RCHY1: variants seen among roughly 807,000 people sequenced by gnomAD.
The protein encoded by RCHY1 is ring finger and CHY zinc finger domain containing 1, also known as RING finger and CHY zinc finger domain-containing protein 1.
A neutral mutation model predicts 41.6 loss-of-function variants in RCHY1; 21 were observed. The ratio of observed to expected loss-of-function variants is 0.51; its 90% CI spans 0.36 to 0.73. The LOEUF is 0.73. Among genes scored for constraint, RCHY1 ranks in the 30% least tolerant of loss-of-function variants. The pLI is 0.00. For synonymous variants in RCHY1, 79 were observed against 102.9 expected (o/e 0.77, Z 1.41); for missense variants, 265 against 325.3 (o/e 0.81, Z 1.43).
chr4:75,487,866 TA>T lies in RCHY1; in HGVS notation c.657+2714del, dbSNP rs374605285. Among the ~76,000 whole-genome samples the T allele has an allele frequency of 8.8e-3, 621 of 70,896 alleles. 35 individuals are homozygous for T. The highest frequency in any genetic ancestry group is 0.027 in the South Asian group (70 of 2,606). 46.5% of individuals were successfully genotyped at this position (70,896 alleles called of 152,430 possible). On this transcript the variant is annotated intron_variant, in intron 8 of 8. Transcript: ENST00000324439. ...TATATATTCATAATATATATATTCA[TA>T]ATATATATTCATAATATATATATTC...
At chr4:75,498,190 T>C (rs1723402958) in intron 3 of RCHY1, among the ~76,000 whole-genome samples, 2 of 149,058 alleles carry the variant, frequency 1.3e-5, no homozygotes, top group African/African-American at 4.9e-5. Context: ...AGATAGATAC[T>C]ATTACGAACA....
intron 3 of RCHY1, among the ~76,000 whole-genome samples, chr4:75,505,479 G>A (rs1304338164): frequency 2.0e-5 from 3 of 152,150 alleles, no homozygotes; most frequent in Non-Finnish European, 4.4e-5. Context: ...CAATAAAAGA[G>A]GGTATGATTT....
At chr4:75,497,351 A>G (rs561334704) in intron 3 of RCHY1, among the ~76,000 whole-genome samples, 10 of 152,224 alleles carry the variant, frequency 6.6e-5, no homozygotes, top group African/African-American at 2.4e-4. Flanking sequence ...TCTAGTACCA[A>G]TCAATCACCA....
chr4:75,514,568 A>T, upstream of RCHY1: 1 of 327,138 alleles, frequency 3.1e-6, no homozygotes, highest in African/African-American at 2.1e-5. Flanking sequence ...TACCCGCCCA[A>T]ATCTCAGGGC....
At chr4:75,499,724 T>A (rs1166357005) in intron 3 of RCHY1, among the ~76,000 whole-genome samples, 1 of 152,034 alleles carries the variant, frequency 6.6e-6, no homozygotes, top group Admixed American at 6.6e-5. Context: ...AAACAGGATG[T>A]CATGAAGATA....
At chr4:75,501,948 C>T (rs543599363) in intron 3 of RCHY1, among the ~76,000 whole-genome samples, 4 of 151,980 alleles carry the variant, frequency 2.6e-5, no homozygotes, top group Non-Finnish European at 5.9e-5. Context: ...CATGGTGGCA[C>T]ATGCCTGTAA....
intron 3 of RCHY1, among the ~76,000 whole-genome samples, chr4:75,502,639 T>C (rs1290985621): frequency 1.3e-5 from 2 of 152,236 alleles, no homozygotes; most frequent in African/African-American, 2.4e-5. Flanking sequence ...TATGGGTCCA[T>C]TGAACCCTTT....
Position 75,509,309 on chromosome 4 carries a change from G to GTACAAAAATTTTGCTT in RCHY1, c.91-14_91-13insAAGCAAAATTTTTGTA. 1 of 1,601,838 alleles carries GTACAAAAATTTTGCTT rather than the reference G, an allele frequency of 6.2e-7. No homozygotes were observed. Among genetic ancestry groups the GTACAAAAATTTTGCTT allele is most frequent in the Non-Finnish European group, 8.5e-7 (1 of 1,175,958 alleles). ...CACAGCAAGGTGCCTAACACCCACG[G>GTACAAAAATTTTGCTT]AGAAAAAAGAGATATAGTAAGAAGC... On this transcript the variant is annotated splice_polypyrimidine_tract_variant and intron_variant, in intron 1 of 8. Coordinates refer to ENST00000324439, the MANE Select transcript of RCHY1 (RefSeq NM_015436.4).
intron 8 of RCHY1, among the ~76,000 whole-genome samples, chr4:75,487,565 A>AATATATATTC (rs1560512551): frequency 3.6e-5 from 2 of 55,448 alleles, no homozygotes; most frequent in East Asian, 5.1e-4. Context: ...ATATATTCAT[A>AATATATATTC]ATATATATAT....
intron 3 of RCHY1, among the ~76,000 whole-genome samples, chr4:75,503,596 G>A (rs569837171): frequency 3.3e-5 from 5 of 152,070 alleles, no homozygotes; most frequent in Non-Finnish European, 5.9e-5. Context: ...TAGGGAGGCT[G>A]AGGCAGAATT....
chr4:75,501,602 G>A (rs17000595), intron 3 of RCHY1, among the ~76,000 whole-genome samples: 3,688 of 152,144 alleles, frequency 0.024, 157 homozygotes, highest in African/African-American at 0.084. Context: ...TGTCTATAAC[G>A]TGAGTCACAT....
intron 8 of RCHY1, among the ~76,000 whole-genome samples, chr4:75,484,975 C>T (rs1251633566): frequency 6.6e-6 from 1 of 151,874 alleles, no homozygotes; most frequent in African/African-American, 2.4e-5. Flanking sequence ...TTTTTATTGC[C>T]TTAAAAAAAA....
intron 3 of RCHY1, among the ~76,000 whole-genome samples, chr4:75,498,003 T>A (rs1723377862): frequency 7.3e-6 from 1 of 136,646 alleles, no homozygotes; most frequent in Non-Finnish European, 1.6e-5. Flanking sequence ...AGGAAAGAAA[T>A]AATAAAGAGC....
chr4:75,496,201 C>T (rs866100005), intron 3 of RCHY1, among the ~76,000 whole-genome samples: 77 of 152,054 alleles, frequency 5.1e-4, no homozygotes, highest in African/African-American at 1.8e-3. Context: ...ATATATGAAA[C>T]AGCAGTTTCA....
rs752831133 is a variant in RCHY1 at position 75,508,833 on chromosome 4, AG to A, written c.312del (p.Cys105ValfsTer16). The part of the protein sequence containing the change: ...DKDKKQYHCE[N>X]CGICRIGPKE... Reference sequence around the variant, plus strand: ...TACATACAGTACCTACAAATTCCACAGTTTTCACAGTGATACTGCTTCTTAT... The same window carrying A: ...TACATACAGTACCTACAAATTCCACATTTTCACAGTGATACTGCTTCTTAT... On this transcript the variant is annotated frameshift_variant, in exon 3 of 9. Transcript: ENST00000324439. LOFTEE classifies it high-confidence loss of function. The A allele has an allele frequency of 6.3e-7, 1 of 1,594,468 alleles. No individual in the cohort carries two copies. The highest frequency in any genetic ancestry group is 8.6e-7 in the Non-Finnish European group (1 of 1,168,086).
chr4:75,514,255 C>A lies in RCHY1; in HGVS notation c.32G>T (p.Ser11Ile), dbSNP rs371992356. The change falls in exon 1 of 9, where the codon AGC becomes ATC. Residue 11 changes from serine (S) to isoleucine (I), a missense_variant. Transcript: ENST00000324439. MAATAREDGA[S>I]GQERGQRGCE... ...GCCCCGCTGACCTCGCTCTTGACCG[C>A]TGGCGCCATCTTCCCGGGCCGTCGC... The A allele has an allele frequency of 6.2e-7, 1 of 1,612,900 alleles. No homozygotes were observed. The highest frequency in any genetic ancestry group is 8.5e-7 in the Non-Finnish European group (1 of 1,178,954).
intron 8 of RCHY1, among the ~76,000 whole-genome samples, chr4:75,489,761 A>T (rs2148723735): frequency 6.6e-6 from 1 of 152,322 alleles, no homozygotes; most frequent in East Asian, 1.9e-4. Context: ...TTGATGGTCC[A>T]ATGACTAAGA....
rs1578198473 is a variant in RCHY1 at position 75,481,698 on chromosome 4, G to C, written c.*840C>G. Reference sequence around the variant, plus strand: ...GAGGACAAGGACTTTTATCTTTATTGTTCACTGTTGTCTCTACAGCATCTA... The same window carrying C: ...GAGGACAAGGACTTTTATCTTTATTCTTCACTGTTGTCTCTACAGCATCTA... On this transcript the variant is annotated 3_prime_UTR_variant, in exon 9 of 9. Transcript: ENST00000324439. The C allele has an allele frequency of 2.0e-5, 3 of 152,252 alleles. No individual in the cohort carries two copies. Among genetic ancestry groups the C allele is most frequent in the South Asian group, 2.1e-4 (1 of 4,818 alleles). The allele number at this position is 152,252 out of a possible 1,614,324, so 9.4% of individuals were successfully genotyped here. A position where few individuals can be genotyped will look rare whatever the true frequency, so the allele number is the denominator to read the frequency against.
Position 75,514,227 on chromosome 4 carries a change from G to A in RCHY1, c.60C>T (p.Cys20=). The A allele has an allele frequency of 6.2e-7, 1 of 1,613,098 alleles. No individual in the cohort carries two copies. The highest frequency in any genetic ancestry group is 8.5e-7 in the Non-Finnish European group (1 of 1,179,126). Residue 20 remains cysteine (C), a synonymous_variant, in exon 1 of 9, where the codon TGC becomes TGT. Coordinates refer to ENST00000324439, the MANE Select transcript of RCHY1 (RefSeq NM_015436.4). The part of the protein sequence containing the change: ...ASGQERGQRG[C]EHYDRGCLLK... ...GGAGACATCCTCTGTCATAGTGCTCGCAGCCCCGCTGACCTCGCTCTTGAC... is the reference window on the plus strand; with the variant it reads ...GGAGACATCCTCTGTCATAGTGCTCACAGCCCCGCTGACCTCGCTCTTGAC...
Sources: gnomAD v4.1 joint callset for allele counts (sites outside exome capture counted in the v4.1 genomes callset) on GRCh38, gnomAD v4.1.1 for gene constraint, MANE v1.5 for transcripts, NCBI Gene and HGNC (gene_info 2026-07-23, HGNC 2026-07-21) for gene names.